Variants in PRKG1 observed in about 807,000 individuals in gnomAD.
The protein encoded by PRKG1 is protein kinase cGMP-dependent 1.
PRKG1 carries 35 observed loss-of-function variants against 88.1 expected under a neutral mutation model. That is an observed-to-expected ratio of 0.40 (90% CI 0.30 to 0.53). The LOEUF (loss-of-function observed/expected upper bound fraction) is 0.53, where lower values mean the gene tolerates loss of function less well. Among genes scored for constraint, PRKG1 ranks in the 20% least tolerant of loss-of-function variants. The pLI, the probability that PRKG1 is intolerant of heterozygous loss-of-function variation, is 0.59. For synonymous variants in PRKG1, 303 were observed against 292.5 expected (o/e 1.04, Z -0.37); for missense variants, 540 against 839.8 (o/e 0.64, Z 4.41).
intron 3 of PRKG1, among the ~76,000 whole-genome samples, chr10:51,537,220 T>C (rs1842179099): frequency 2.0e-5 from 3 of 152,228 alleles, no homozygotes. Context: ...TTGTGATTTG[T>C]TTACTTTTTC....
chr10:51,095,156 A>G (rs568878770), intron 1 of PRKG1, among the ~76,000 whole-genome samples: 3 of 152,282 alleles, frequency 2.0e-5, no homozygotes, highest in African/African-American at 7.2e-5. Flanking sequence ...TAGTAACATC[A>G]CTGCTAAGAG....
intron 4 of PRKG1, among the ~76,000 whole-genome samples, chr10:51,892,405 ACTAAGGATTAAGAGTC>A: frequency 6.6e-6 from 1 of 152,276 alleles, no homozygotes; most frequent in East Asian, 1.9e-4. Context: ...ACAGTCATAA[ACTAAGGATTAAGAGTC>A]CTAGACCCAT....
chr10:51,773,768 T>C (rs890906846), intron 3 of PRKG1, among the ~76,000 whole-genome samples: 21 of 152,050 alleles, frequency 1.4e-4, no homozygotes, highest in African/African-American at 5.1e-4. Flanking sequence ...CATTGAAATA[T>C]TATTACACTC....
chr10:51,073,789 C>G (rs972706391), upstream of PRKG1, among the ~76,000 whole-genome samples: 7 of 152,234 alleles, frequency 4.6e-5, no homozygotes, highest in African/African-American at 1.7e-4. Flanking sequence ...TCGCGGGCGC[C>G]GACTCGCTCG....
At chr10:52,137,879 C>T (rs895479238) in intron 8 of PRKG1, among the ~76,000 whole-genome samples, 3 of 151,998 alleles carry the variant, frequency 2.0e-5, no homozygotes, top group Admixed American at 6.6e-5. Context: ...GCTTATTCAC[C>T]GTTATGGGAA....
rs995018440 is a variant in PRKG1 at position 51,322,735 on chromosome 10, A to G, written c.479-144988A>G. On this transcript the variant is annotated intron_variant, in intron 2 of 17. Transcript: ENST00000373980. ...TTTAGATGAGCTCTTTTAAAAACTA[A>G]GGTCAATCAAATTAGATACAGCACT... 3.9e-5 allele frequency among the ~76,000 whole-genome samples: 6 copies of G among 152,338 alleles called. No individual in the cohort carries two copies. The East Asian group carries it at 1.2e-3, about 29-fold the overall frequency.
In PRKG1 at chr10:52,157,328, T is replaced by G. The variant is rs1273107851; in HGVS notation, c.1002-4561T>G. Among the ~76,000 whole-genome samples the G allele has an allele frequency of 2.8e-5, 4 of 145,438 alleles. No homozygotes were observed. The East Asian group carries it at 8.1e-4, about 29-fold the overall frequency. ...GTTGATATATATATATATATATATA[T>G]ATATATATATGTATATATATGTGAT... On this transcript the variant is annotated intron_variant, in intron 8 of 17. Transcript: ENST00000373980.
chr10:52,148,945 A>G (rs552670747), intron 8 of PRKG1, among the ~76,000 whole-genome samples: 2 of 136,470 alleles, frequency 1.5e-5, no homozygotes, highest in South Asian at 5.2e-4. Flanking sequence ...TTGACCACAG[A>G]GGATAGTTTT....
At chr10:51,288,050 CT>C (rs1443181630) in intron 2 of PRKG1, among the ~76,000 whole-genome samples, 1 of 151,874 alleles carries the variant, frequency 6.6e-6, no homozygotes, top group African/African-American at 2.4e-5. Flanking sequence ...TTCATCTGTT[CT>C]TTTTTATTTC....
chr10:51,997,298 C>T lies in PRKG1; in HGVS notation c.763-57186C>T, dbSNP rs1226056021. On this transcript the variant is annotated intron_variant, in intron 5 of 17. Coordinates refer to ENST00000373980, the MANE Select transcript of PRKG1 (RefSeq NM_006258.4). ...CCATCCTGGCCAACATGGTGAAACC[C>T]CGTCTCTACTAAAAATACATAAATT... is the stretch of plus-strand genomic sequence containing the variant. Among the ~76,000 whole-genome samples, 2 of 151,748 alleles carry T rather than the reference C, an allele frequency of 1.3e-5. 1 individual carries two copies. Among genetic ancestry groups the T allele is most frequent in the Non-Finnish European group, 2.9e-5 (2 of 67,940 alleles).
At chr10:51,694,896 ATCTATTTCCTTAGCTT>A (rs2132399293) in intron 3 of PRKG1, among the ~76,000 whole-genome samples, 1 of 152,346 alleles carries the variant, frequency 6.6e-6, no homozygotes, top group African/African-American at 2.4e-5. Context: ...AGTGAGGAGA[ATCTATTTCCTTAGCTT>A]TCACAGAGTA....
At chr10:51,726,579 T>C (rs764484728) in intron 3 of PRKG1, among the ~76,000 whole-genome samples, 1 of 152,230 alleles carries the variant, frequency 6.6e-6, no homozygotes, top group Non-Finnish European at 1.5e-5. Context: ...ATCACAGTTA[T>C]AAAGCCGGGT....
At position 51,305,578 on chromosome 10, in the gene PRKG1, A is replaced by G. The variant is rs545516590; in HGVS notation, c.478+152248A>G. On this transcript the variant is annotated intron_variant, in intron 2 of 17. Transcript: ENST00000373980. Reference sequence around the variant, plus strand: ...CCTGTTTACCTTGCAGAAGCCTTTCAATTGGCCTTTAGGGCAGCATGAACA... The same window carrying G: ...CCTGTTTACCTTGCAGAAGCCTTTCGATTGGCCTTTAGGGCAGCATGAACA... Among the ~76,000 whole-genome samples the G allele has an allele frequency of 2.6e-5, 4 of 152,288 alleles. No individual in the cohort carries two copies. In the East Asian group the frequency reaches 7.7e-4, roughly 29 times the overall value.
chr10:51,475,744 GA>G (rs972862025), intron 3 of PRKG1, among the ~76,000 whole-genome samples: 9 of 151,962 alleles, frequency 5.9e-5, no homozygotes, highest in Non-Finnish European at 1.2e-4. Flanking sequence ...AACAGATTGA[GA>G]GGGAGGGAAA....
At chr10:51,144,183 CA>C (rs957825856) in intron 1 of PRKG1, among the ~76,000 whole-genome samples, 4 of 151,890 alleles carry the variant, frequency 2.6e-5, no homozygotes, top group Non-Finnish European at 4.4e-5. Context: ...CATTCTTCTG[CA>C]AAAGTGTAAC....
chr10:51,862,497 G>A (rs1840907949), intron 4 of PRKG1, among the ~76,000 whole-genome samples: 1 of 152,138 alleles, frequency 6.6e-6, no homozygotes, highest in African/African-American at 2.4e-5. Context: ...CCTGAAGTGG[G>A]TAGCCCTCTG....
At chr10:51,425,463 G>A (rs1300848599) in intron 2 of PRKG1, among the ~76,000 whole-genome samples, 2 of 152,208 alleles carry the variant, frequency 1.3e-5, no homozygotes, top group Admixed American at 1.3e-4. Flanking sequence ...GACATGGTGG[G>A]AGAGATTTTC....
At chr10:51,803,282 C>T (rs774183161) in intron 3 of PRKG1, among the ~76,000 whole-genome samples, 8 of 152,184 alleles carry the variant, frequency 5.3e-5, no homozygotes, top group Middle Eastern at 3.4e-3. Context: ...ACACAAGTTC[C>T]GGCTGCTTTG....
At chr10:51,788,825 G>A (rs916523693) in intron 3 of PRKG1, among the ~76,000 whole-genome samples, 1 of 152,158 alleles carries the variant, frequency 6.6e-6, no homozygotes, top group African/African-American at 2.4e-5. Context: ...CTGCAGGAGA[G>A]TTACAGCAGG....
Sources: allele counts gnomAD v4.1 joint callset (sites outside exome capture counted in the v4.1 genomes callset), GRCh38; gene constraint gnomAD v4.1.1; transcripts MANE v1.5; gene names NCBI Gene and HGNC (gene_info 2026-07-23, HGNC 2026-07-21).